SLC36A2: variants seen among roughly 807,000 people sequenced by gnomAD.
The protein encoded by SLC36A2 is proton-coupled amino acid transporter 2.
Under a neutral mutation model 42.7 loss-of-function variants are expected in SLC36A2, and 39 were observed. That is an observed-to-expected ratio of 0.91 (90% CI 0.71 to 1.19). The LOEUF (loss-of-function observed/expected upper bound fraction) is 1.19. Ranked by LOEUF, SLC36A2 falls within the 50% of genes most tolerant of loss-of-function variation. SLC36A2 has a pLI of 0.00. For synonymous variants in SLC36A2, 237 were observed against 240.8 expected (o/e 0.98, Z 0.15); for missense variants, 590 against 613.7 (o/e 0.96, Z 0.41).
At chr5:151,342,682 G>T (rs750775829) in intron 4 of SLC36A2, among the ~76,000 whole-genome samples, 12 of 152,216 alleles carry the variant, frequency 7.9e-5, no homozygotes, top group Non-Finnish European at 1.8e-4. Flanking sequence ...CATTAAAGCT[G>T]CGTAGCAAAG....
At chr5:151,332,632 G>A in intron 7 of SLC36A2, 1 of 276,914 alleles carries the variant, frequency 3.6e-6, no homozygotes, top group South Asian at 3.6e-5. Flanking sequence ...CATACTGTAT[G>A]ATCCCATATA....
Position 151,339,105 on chromosome 5 carries a change from G to C in SLC36A2, c.480C>G (p.Gly160=), listed in dbSNP as rs760447282. Residue 160 remains glycine, a synonymous_variant, in exon 5 of 10, where the codon GGC becomes GGG. Coordinates refer to ENST00000335244, the MANE Select transcript of SLC36A2 (RefSeq NM_181776.3). ...AAAACACAATGTACACACAGCAGAAGCCAAGTTGGGTGATAATAAGGAAGA... is the reference window on the plus strand; with the variant it reads ...AAAACACAATGTACACACAGCAGAACCCAAGTTGGGTGATAATAAGGAAGA... The part of the protein sequence containing the change: ...VSFFLIITQL[G]FCCVYIVFLA... 5.0e-6 allele frequency: 8 copies of C among 1,610,258 alleles called. No individual in the cohort carries two copies. In the East Asian group the frequency reaches 1.8e-4, roughly 36 times the overall value.
intron 9 of SLC36A2, among the ~76,000 whole-genome samples, chr5:151,321,708 T>C (rs1755697276): frequency 6.6e-6 from 1 of 151,628 alleles, no homozygotes; most frequent in African/African-American, 2.4e-5. Context: ...GAGATGAATC[T>C]TGCTCTGTTG....
At chr5:151,344,735 G>A (rs570197776) in intron 1 of SLC36A2, among the ~76,000 whole-genome samples, 209 of 152,106 alleles carry the variant, frequency 1.4e-3, no homozygotes, top group Admixed American at 2.7e-3. Flanking sequence ...CTCAGACAGC[G>A]TAAGTAAAGA....
chr5:151,325,327 A>C lies in SLC36A2; in HGVS notation c.969T>G (p.Asp323Glu). The C allele has an allele frequency of 1.1e-5, 17 of 1,613,988 alleles. No individual in the cohort carries two copies. Among genetic ancestry groups the C allele is most frequent in the Non-Finnish European group, 1.4e-5 (17 of 1,179,964 alleles). Residue 323 changes from aspartate (D) to glutamate (E), a missense_variant, in exon 8 of 10, where the codon GAT (aspartate) becomes GAG (glutamate). Transcript: ENST00000335244. ...MAALGYLRFG[D>E]DIKASISLNL... ...TAAGGCTTATGCTGGCCTTGATGTC[A>C]TCTCCAAACCGCAGGTAGCCCAGAG...
intron 9 of SLC36A2, among the ~76,000 whole-genome samples, chr5:151,318,753 C>T (rs540642486): frequency 1.4e-3 from 210 of 151,570 alleles, no homozygotes; most frequent in Admixed American, 2.8e-3. Context: ...GAAGAAAATC[C>T]GGGAGGTGTC....
At chr5:151,341,912 G>A (rs1756358298) in intron 4 of SLC36A2, among the ~76,000 whole-genome samples, 1 of 152,126 alleles carries the variant, frequency 6.6e-6, no homozygotes, top group African/African-American at 2.4e-5. Context: ...CCCAATCCCA[G>A]GATCCAGTTC....
At chr5:151,326,720 A>C (rs1453749874) in intron 7 of SLC36A2, among the ~76,000 whole-genome samples, 3 of 148,524 alleles carry the variant, frequency 2.0e-5, no homozygotes, top group Admixed American at 6.7e-5. Context: ...ACCTTCTCCT[A>C]CTCCTTGTTC....
intron 8 of SLC36A2, among the ~76,000 whole-genome samples, chr5:151,323,538 T>C (rs1168780853): frequency 2.0e-5 from 3 of 152,190 alleles, no homozygotes; most frequent in Non-Finnish European, 4.4e-5. Flanking sequence ...AGAGTTGAAG[T>C]AAATCATCTA....
chr5:151,340,284 AGAG>A (rs1756303359), intron 4 of SLC36A2, among the ~76,000 whole-genome samples: 2 of 151,296 alleles, frequency 1.3e-5, no homozygotes, highest in African/African-American at 4.9e-5. Context: ...AACTAAGAGA[AGAG>A]GAAGAGGAGG....
chr5:151,329,986 C>T (rs1216545146), intron 7 of SLC36A2, among the ~76,000 whole-genome samples: 2 of 151,694 alleles, frequency 1.3e-5, no homozygotes, highest in African/African-American at 4.9e-5. Flanking sequence ...CTTGAGTAGG[C>T]ACAGATTGGT....
At chr5:151,323,677 C>G (rs556216004) in intron 8 of SLC36A2, among the ~76,000 whole-genome samples, 1 of 152,306 alleles carries the variant, frequency 6.6e-6, no homozygotes, top group East Asian at 1.9e-4. Context: ...TGCTTTCTTT[C>G]CTTGGAAATC....
At chr5:151,336,639 C>A (rs889164844) in intron 5 of SLC36A2, among the ~76,000 whole-genome samples, 3 of 152,000 alleles carry the variant, frequency 2.0e-5, no homozygotes, top group African/African-American at 7.3e-5. Flanking sequence ...GGACCCCACC[C>A]ACTGAAAGCC....
At chr5:151,335,965 C>T (rs1287618063) in intron 5 of SLC36A2, among the ~76,000 whole-genome samples, 1 of 150,356 alleles carries the variant, frequency 6.7e-6, no homozygotes, top group Non-Finnish European at 1.5e-5. Context: ...ATCATGCCAC[C>T]ACACTCCAGC....
At chr5:151,342,397 C>T (rs1171953961) in intron 4 of SLC36A2, among the ~76,000 whole-genome samples, 1 of 152,170 alleles carries the variant, frequency 6.6e-6, no homozygotes. Flanking sequence ...CTCCTTCCTG[C>T]AGAACTCATC....
chr5:151,317,091 G>A lies in SLC36A2; in HGVS notation c.1181-3C>T, dbSNP rs771379718. ...GGGGATGAGGATGGCCAGGAGGCCT[G>A]CAGGGAGAGGATAGTGGAGAGATGG... On this transcript the variant is annotated splice_polypyrimidine_tract_variant and splice_region_variant and intron_variant, in intron 9 of 9. Coordinates refer to ENST00000335244, the MANE Select transcript of SLC36A2 (RefSeq NM_181776.3). 20 of 1,613,784 alleles carry A rather than the reference G, an allele frequency of 1.2e-5. No individual in the cohort carries two copies. In the African/African-American group the frequency reaches 1.6e-4, roughly 13 times the overall value.
chr5:151,337,993 G>A (rs1429330655), intron 5 of SLC36A2, among the ~76,000 whole-genome samples: 4 of 152,180 alleles, frequency 2.6e-5, no homozygotes, highest in South Asian at 2.1e-4. Context: ...TTTTAACTCT[G>A]GCTCTGTGAC....
Position 151,325,477 on chromosome 5 carries a change from A to C in SLC36A2, c.844-25T>G, listed in dbSNP as rs369567433. ...CCTACAGAAACATCACAATGTAAGAAGGAGAAAGAGTAACATGAACAAAAA... is the reference window on the plus strand; with the variant it reads ...CCTACAGAAACATCACAATGTAAGACGGAGAAAGAGTAACATGAACAAAAA... On this transcript the variant is annotated intron_variant, in intron 7 of 9. Transcript: ENST00000335244. The C allele has an allele frequency of 3.1e-6, 5 of 1,613,064 alleles. No homozygotes were observed. The African/African-American group carries it at 4.0e-5, about 13-fold the overall frequency.
intron 5 of SLC36A2, among the ~76,000 whole-genome samples, chr5:151,336,559 T>G (rs1399745373): frequency 2.0e-5 from 3 of 150,930 alleles, no homozygotes; most frequent in Non-Finnish European, 4.4e-5. Context: ...GACACAATAC[T>G]GGCATTTTAA....
Sources: allele counts gnomAD v4.1 joint callset (sites outside exome capture counted in the v4.1 genomes callset), GRCh38; gene constraint gnomAD v4.1.1; transcripts MANE v1.5; gene names NCBI Gene and HGNC (gene_info 2026-07-23, HGNC 2026-07-21).